PTPRD: variants seen among roughly 807,000 people sequenced by gnomAD.
PTPRD encodes the protein receptor-type tyrosine-protein phosphatase delta.
A neutral mutation model predicts 214.5 loss-of-function variants in PTPRD; 34 were observed. The observed-to-expected ratio is 0.16, with a 90% CI of 0.12 to 0.21. The LOEUF (loss-of-function observed/expected upper bound fraction) is 0.21. PTPRD is among the 10% of genes least tolerant of loss of function. The pLI, the probability that PTPRD is intolerant of heterozygous loss-of-function variation, is 1.00. For synonymous variants in PTPRD, 1,128 were observed against 845.7 expected, an observed-to-expected ratio of 1.33 and a Z score of -5.79; for missense variants, 2,545 against 2,398.7, an observed-to-expected ratio of 1.06 and a Z score of -1.27.
rs1015978119 is a variant in PTPRD at position 10,123,747 on chromosome 9, A to C, written c.-544-89957T>G. Among the ~76,000 whole-genome samples the C allele has an allele frequency of 2.0e-5, 3 of 152,178 alleles. No homozygotes were observed. The East Asian group carries it at 5.8e-4, about 29-fold the overall frequency. On this transcript the variant is annotated intron_variant, in intron 3 of 45. Coordinates refer to ENST00000381196, the MANE Select transcript of PTPRD (RefSeq NM_002839.4). ...GGAATAGTGAATACGTCTTTCCCCA[A>C]ACTGATGCTCATGGTGTTAAGTTCT...
At chr9:10,100,729 C>T (rs996753635) in intron 3 of PTPRD, among the ~76,000 whole-genome samples, 1 of 151,554 alleles carries the variant, frequency 6.6e-6, no homozygotes. Flanking sequence ...TTGAGCACCT[C>T]GTAAGTGTCA....
At chr9:9,989,764 G>A (rs1052526345) in intron 4 of PTPRD, among the ~76,000 whole-genome samples, 3 of 152,174 alleles carry the variant, frequency 2.0e-5, no homozygotes, top group African/African-American at 7.2e-5. Flanking sequence ...CACACCCGCT[G>A]GGGCTCCAGG....
At chr9:9,464,845 G>C (rs2093998457) in intron 8 of PTPRD, among the ~76,000 whole-genome samples, 1 of 152,112 alleles carries the variant, frequency 6.6e-6, no homozygotes, top group Non-Finnish European at 1.5e-5. Context: ...ACAGCAAAAA[G>C]TGACTTATGC....
intron 9 of PTPRD, among the ~76,000 whole-genome samples, chr9:9,268,086 G>C (rs1940953904): frequency 6.6e-6 from 1 of 150,830 alleles, no homozygotes; most frequent in South Asian, 2.1e-4. Flanking sequence ...AATTGTCTCT[G>C]TTTTTGATGA....
At chr9:10,114,478 C>T (rs189606587) in intron 3 of PTPRD, among the ~76,000 whole-genome samples, 1 of 152,174 alleles carries the variant, frequency 6.6e-6, no homozygotes, top group Admixed American at 6.6e-5. Flanking sequence ...TATACTCTCT[C>T]GCTCGCTCTC....
intron 7 of PTPRD, among the ~76,000 whole-genome samples, chr9:9,623,252 A>G (rs2095308778): frequency 6.6e-6 from 1 of 152,228 alleles, no homozygotes; most frequent in Non-Finnish European, 1.5e-5. Flanking sequence ...GAGACTTAAA[A>G]GAAACTGGGT....
intron 5 of PTPRD, among the ~76,000 whole-genome samples, chr9:9,902,432 T>G (rs989985592): frequency 2.6e-5 from 4 of 152,154 alleles, no homozygotes; most frequent in African/African-American, 9.7e-5. Flanking sequence ...TACTTTTGAA[T>G]AAATAATCAT....
At chr9:8,886,888 T>C (rs1270731482) in intron 11 of PTPRD, among the ~76,000 whole-genome samples, 1 of 152,360 alleles carries the variant, frequency 6.6e-6, no homozygotes, top group South Asian at 2.1e-4. Context: ...ACACACAAAC[T>C]GCATTTCTAT....
chr9:8,342,835 C>G lies in PTPRD; in HGVS notation c.4662-857G>C, dbSNP rs143015675. Among the ~76,000 whole-genome samples the G allele has an allele frequency of 6.1e-3, 922 of 152,176 alleles. 11 individuals are homozygous for G. Among genetic ancestry groups the G allele is most frequent in the African/African-American group, 0.021 (883 of 41,538 alleles). ...TCGAAGGGACATAATACTTTATACA[C>G]AGCTATTTCTAAACAAGAAAGAAAA... On this transcript the variant is annotated intron_variant, in intron 39 of 45. Transcript: ENST00000381196.
At chr9:10,268,914 G>T (rs1234256124) in intron 3 of PTPRD, among the ~76,000 whole-genome samples, 1 of 152,178 alleles carries the variant, frequency 6.6e-6, no homozygotes, top group Non-Finnish European at 1.5e-5. Context: ...ATTATTTGTT[G>T]TCCTGTGCGT....
intron 2 of PTPRD, among the ~76,000 whole-genome samples, chr9:10,498,370 A>G (rs1156708399): frequency 6.6e-6 from 1 of 151,954 alleles, no homozygotes; most frequent in African/African-American, 2.4e-5. Context: ...GAAACACAGT[A>G]TTTTTGTTTG....
intron 11 of PTPRD, among the ~76,000 whole-genome samples, chr9:8,816,393 T>C (rs992186263): frequency 6.6e-6 from 1 of 152,138 alleles, no homozygotes; most frequent in Non-Finnish European, 1.5e-5. Flanking sequence ...CTTTTGATTG[T>C]TGAGGATAAT....
chr9:10,291,324 T>C (rs914714834), intron 3 of PTPRD, among the ~76,000 whole-genome samples: 1 of 152,090 alleles, frequency 6.6e-6, no homozygotes, highest in African/African-American at 2.4e-5. Context: ...AATGATGGTC[T>C]CAAAACATGG....
chr9:9,534,366 T>A (rs1442837255), intron 8 of PTPRD, among the ~76,000 whole-genome samples: 1 of 152,060 alleles, frequency 6.6e-6, no homozygotes, highest in East Asian at 1.9e-4. Flanking sequence ...TGGCAGCATT[T>A]CTCATTTGGC....
chr9:10,603,171 G>A (rs1388260015), intron 2 of PTPRD, among the ~76,000 whole-genome samples: 2 of 151,836 alleles, frequency 1.3e-5, no homozygotes, highest in African/African-American at 2.4e-5. Flanking sequence ...CCACCCCAGG[G>A]AAAGGCAGAG....
rs545015959 is a variant in PTPRD at position 9,722,578 on chromosome 9, A to G, written c.-287+11955T>C. 4.6e-5 allele frequency among the ~76,000 whole-genome samples: 7 copies of G among 152,190 alleles called. No individual in the cohort carries two copies. The South Asian group carries it at 1.5e-3, about 32-fold the overall frequency. On this transcript the variant is annotated intron_variant, in intron 7 of 45. Coordinates refer to ENST00000381196, the MANE Select transcript of PTPRD (RefSeq NM_002839.4). Reference sequence around the variant, plus strand: ...ATATATTTTCATTTTTCTTGTGTACATACCTAAGAGTAGAATTTCCAAGTC... The same window carrying G: ...ATATATTTTCATTTTTCTTGTGTACGTACCTAAGAGTAGAATTTCCAAGTC...
At chr9:8,804,660 C>G (rs1175126086) in intron 11 of PTPRD, among the ~76,000 whole-genome samples, 1 of 138,264 alleles carries the variant, frequency 7.2e-6, no homozygotes, top group East Asian at 2.5e-4. Flanking sequence ...TATCTCCTAA[C>G]TGGAGAAACG....
At chr9:9,951,975 C>A (rs1485596182) in intron 4 of PTPRD, among the ~76,000 whole-genome samples, 1 of 152,124 alleles carries the variant, frequency 6.6e-6, no homozygotes, top group Non-Finnish European at 1.5e-5. Context: ...GTTGGAATCA[C>A]CCCCTTGAAG....
intron 14 of PTPRD, among the ~76,000 whole-genome samples, chr9:8,591,521 T>C (rs2094106507): frequency 6.6e-6 from 1 of 152,134 alleles, no homozygotes. Context: ...AACTGCTTGA[T>C]TGCAATCAAA....
Sources: allele counts gnomAD v4.1 joint callset (sites outside exome capture counted in the v4.1 genomes callset), GRCh38; gene constraint gnomAD v4.1.1; transcripts MANE v1.5; gene names NCBI Gene and HGNC (gene_info 2026-07-23, HGNC 2026-07-21).